The following TTC34 variants were observed in gnomAD, a reference collection of about 807,000 sequenced individuals.
The protein encoded by TTC34 is tetratricopeptide repeat domain 34.
In TTC34, 44 loss-of-function variants were observed where a neutral mutation model predicts 40.7. The ratio of observed to expected loss-of-function variants is 1.08; its 90% CI spans 0.85 to 1.39. The LOEUF (loss-of-function observed/expected upper bound fraction) is 1.39, where lower values mean the gene tolerates loss of function less well. Among genes scored for constraint, TTC34 ranks in the 40% most tolerant of loss-of-function variants. The pLI, the probability that TTC34 is intolerant of heterozygous loss-of-function variation, is 0.00. For synonymous variants in TTC34, 422 were observed against 398.6 expected (o/e 1.06, Z -0.70); for missense variants, 884 against 838.0 (o/e 1.05, Z -0.68).
At chr1:2,687,806 C>G (rs1433925635) in intron 6 of TTC34, among the ~76,000 whole-genome samples, 8 of 137,818 alleles carry the variant, frequency 5.8e-5, no homozygotes, top group African/African-American at 1.8e-4. Flanking sequence ...GGCACCCACA[C>G]CTCCAGGTGA....
rs555822279 is a variant in TTC34, at chr1:2,700,330, C to A, written c.2227-54767G>T. ...ATCCGACAGTCTGGGGCAGCACCCA[C>A]TCCCGCAGGTGAGCATCCGACAGCC... is the stretch of plus-strand genomic sequence containing the variant. On this transcript the variant is annotated intron_variant, in intron 6 of 8. Coordinates refer to ENST00000401095, the Ensembl canonical transcript of TTC34. 3.1e-4 allele frequency among the ~76,000 whole-genome samples: 35 copies of A among 113,204 alleles called. 2 individuals carry two copies. The highest frequency in any genetic ancestry group is 9.5e-4 in the African/African-American group (34 of 35,908). 74.3% of individuals were successfully genotyped at this position (113,204 alleles called of 152,430 possible).
chr1:2,685,376 A>G (rs1640285767), intron 6 of TTC34, among the ~76,000 whole-genome samples: 1 of 142,884 alleles, frequency 7.0e-6, no homozygotes. Flanking sequence ...TGAGCATCTG[A>G]TGTTCTGGAG....
chr1:2,749,830 G>A (rs1345791113), intron 6 of TTC34, among the ~76,000 whole-genome samples: 1 of 139,884 alleles, frequency 7.1e-6, no homozygotes. Context: ...TGACAGCCTG[G>A]AACAGCACCC....
chr1:2,638,470 G>A (rs1289441759), exon 9 of TTC34: 1 of 152,228 alleles, frequency 6.6e-6, no homozygotes, highest in African/African-American at 2.4e-5. Flanking sequence ...GGAGATGCTG[G>A]AATGTCCCTG....
exon 9 of TTC34, chr1:2,637,870 A>G (rs993139048): frequency 6.6e-6 from 1 of 152,168 alleles, no homozygotes; most frequent in Non-Finnish European, 1.5e-5. Flanking sequence ...TGTGTGGCTC[A>G]CACTCACAGC....
intron 6 of TTC34, among the ~76,000 whole-genome samples, chr1:2,687,469 T>C (rs1409923340): frequency 6.9e-5 from 10 of 145,808 alleles, no homozygotes; most frequent in African/African-American, 2.2e-4. Flanking sequence ...TCCGACAGCC[T>C]GGAACAGCAC....
chr1:2,685,313 A>C (rs1262748486), intron 6 of TTC34, among the ~76,000 whole-genome samples: 464 of 41,764 alleles, frequency 0.011, no homozygotes, highest in Middle Eastern at 0.03. Context: ...GGAGCAGCAC[A>C]CACACCCACA....
chr1:2,788,839 C>T (rs1035580275), intron 3 of TTC34, among the ~76,000 whole-genome samples: 2 of 152,186 alleles, frequency 1.3e-5, no homozygotes, highest in Admixed American at 6.5e-5. Flanking sequence ...CACCTGGAAT[C>T]CCAGCACTTT....
intron 2 of TTC34, among the ~76,000 whole-genome samples, chr1:2,799,534 A>G (rs1290052918): frequency 1.3e-5 from 2 of 150,560 alleles, no homozygotes; most frequent in East Asian, 3.9e-4. Flanking sequence ...CAAGAATGAA[A>G]CTCCATCTCA....
intron 6 of TTC34, among the ~76,000 whole-genome samples, chr1:2,676,889 C>G (rs796625604): frequency 0.2 from 2,394 of 11,738 alleles, 226 homozygotes; most frequent in Middle Eastern, 0.36. Context: ...ACCCCACACC[C>G]ACAGGTGAGC....
At chr1:2,641,369 C>A in exon 9 of TTC34, 1 of 1,502,798 alleles carries the variant, frequency 6.7e-7, no homozygotes, top group South Asian at 1.3e-5. Context: ...CAGGCCCAGT[C>A]ACTGTAGCCA....
At chr1:2,788,370 GTGGTGTGTA>G (rs1366850932) in intron 3 of TTC34, among the ~76,000 whole-genome samples, 2 of 151,754 alleles carry the variant, frequency 1.3e-5, no homozygotes, top group Non-Finnish European at 2.9e-5. Flanking sequence ...TGTTGTATGT[GTGGTGTGTA>G]TGGTGTGTGT....
chr1:2,750,220 G>GAT, intron 6 of TTC34, among the ~76,000 whole-genome samples: 1 of 68,154 alleles, frequency 1.5e-5, no homozygotes, highest in Non-Finnish European at 4.0e-5. Context: ...GTGCGCATCT[G>GAT]ATGGTCTGGA....
chr1:2,787,060 G>A (rs990569830), intron 4 of TTC34, among the ~76,000 whole-genome samples: 5 of 152,168 alleles, frequency 3.3e-5, no homozygotes, highest in Non-Finnish European at 7.4e-5. Context: ...GGAGCAGGGG[G>A]TCTTGGAGGC....
chr1:2,683,200 A>G (rs562603639), intron 6 of TTC34, among the ~76,000 whole-genome samples: 4 of 143,568 alleles, frequency 2.8e-5, no homozygotes, highest in East Asian at 2.1e-4. Flanking sequence ...GCCACAGGCG[A>G]GCATCTGAGA....
chr1:2,645,430 CTCAG>C lies in TTC34; in HGVS notation c.2356_2359del (p.Leu786AlafsTer25), dbSNP rs1486034393. 6.5e-7 allele frequency: 1 copy of C among 1,535,674 alleles called. No individual in the cohort carries two copies. The highest frequency in any genetic ancestry group is 1.4e-5 in the African/African-American group (1 of 73,022). ...AGGGGCCCCAGTGTCTGGCAGCTGG[CTCAG>C]AAGGGCCCGGCAGTGGGAGTAGAGG... On this transcript the variant is annotated frameshift_variant, in exon 7 of 9. Transcript: ENST00000401095. LOFTEE classifies it high-confidence loss of function. The surrounding 1 kb of genome is among the most constrained non-coding windows in gnomAD (Gnocchi z 4.7).
chr1:2,699,039 A>AGCGCCCACCCACCCAAGTG (rs1641003162), intron 6 of TTC34, among the ~76,000 whole-genome samples: 4 of 19,164 alleles, frequency 2.1e-4, no homozygotes, highest in Non-Finnish European at 4.4e-4. Flanking sequence ...TGGTCTGGAG[A>AGCGCCCACCCACCCAAGTG]AGCACCCACA....
At chr1:2,750,188 G>A (rs1641268767) in intron 6 of TTC34, among the ~76,000 whole-genome samples, 11 of 152,110 alleles carry the variant, frequency 7.2e-5, no homozygotes, top group African/African-American at 2.7e-4. Context: ...CTGACAGCCT[G>A]GGTCGGCACC....
At chr1:2,694,877 G>A (rs537754237) in intron 6 of TTC34, among the ~76,000 whole-genome samples, 3 of 118,304 alleles carry the variant, frequency 2.5e-5, no homozygotes. Context: ...CACAACCACA[G>A]GTGAGCATCC....
Sources: gnomAD v4.1 joint callset for allele counts (sites outside exome capture counted in the v4.1 genomes callset) on GRCh38, gnomAD v4.1.1 for gene constraint, Gnocchi (gnomAD v3.1) non-coding constraint, MANE v1.5 for transcripts, NCBI Gene and HGNC (gene_info 2026-07-23, HGNC 2026-07-21) for gene names.